Variants in CIMIP1 observed in about 807,000 individuals in gnomAD.
CIMIP1 encodes low in lung cancer 1.
At chr20:58,151,953 T>G in the CIMIP1 span, among the ~76,000 whole-genome samples, 1 of 152,180 alleles carries the variant, frequency 6.6e-6, no homozygotes, top group East Asian at 1.9e-4. Context: ...ATTTACAGAT[T>G]TAGATATAAG....
chr20:58,151,177 G>A, the CIMIP1 span: 1 of 723,556 alleles, frequency 1.4e-6, no homozygotes, highest in Non-Finnish European at 2.3e-6. Flanking sequence ...GGATGGTCAG[G>A]GGCCTTGAGG....
chr20:58,151,405 T>TTTTGTTTG, the CIMIP1 span, among the ~76,000 whole-genome samples: 2 of 151,970 alleles, frequency 1.3e-5, no homozygotes, highest in Admixed American at 6.5e-5. Flanking sequence ...GACTGATGAT[T>TTTTGTTTG]TTTGTTTGTT....
chr20:58,151,533 T>C, the CIMIP1 span, among the ~76,000 whole-genome samples: 1 of 151,946 alleles, frequency 6.6e-6, no homozygotes, highest in Non-Finnish European at 1.5e-5. Context: ...CTGCCTCAGC[T>C]TCCCGAGTAG....
the CIMIP1 span, among the ~76,000 whole-genome samples, chr20:58,157,996 G>T: frequency 6.6e-6 from 1 of 152,186 alleles, no homozygotes; most frequent in Non-Finnish European, 1.5e-5. Flanking sequence ...TCAGCCACAT[G>T]CTGTCCCCAC....
the CIMIP1 span, chr20:58,153,705 C>T: frequency 5.5e-6 from 6 of 1,090,420 alleles, no homozygotes; most frequent in Non-Finnish European, 6.9e-6. Flanking sequence ...CTATCACTTG[C>T]AAGAATAAAA....
the CIMIP1 span, among the ~76,000 whole-genome samples, chr20:58,153,814 T>C: frequency 6.6e-6 from 1 of 152,240 alleles, no homozygotes; most frequent in Non-Finnish European, 1.5e-5. Context: ...AGGCATGTTC[T>C]AGGTGCTTCG....
chr20:58,160,717 T>C, the CIMIP1 span: 3 of 1,614,046 alleles, frequency 1.9e-6, no homozygotes, highest in Non-Finnish European at 1.7e-6. Context: ...GCTGGAGATC[T>C]GCAGTGCCAG....
the CIMIP1 span, among the ~76,000 whole-genome samples, chr20:58,156,526 T>C: frequency 6.6e-6 from 1 of 151,804 alleles, no homozygotes; most frequent in African/African-American, 2.4e-5. Context: ...GGAGTTGCAA[T>C]TGGAGTCCAA....
chr20:58,161,052 G>C, the CIMIP1 span: 37 of 376,712 alleles, frequency 9.8e-5, no homozygotes, highest in East Asian at 1.6e-4. Context: ...AATGAATAAG[G>C]CTTCTCTCAT....
At chr20:58,151,142 C>A in the CIMIP1 span, 2 of 1,053,378 alleles carry the variant, frequency 1.9e-6, no homozygotes, top group African/African-American at 1.6e-5. Flanking sequence ...CCACTAAACT[C>A]GAGGGGCAGA....
At chr20:58,156,107 C>T in the CIMIP1 span, among the ~76,000 whole-genome samples, 4 of 152,196 alleles carry the variant, frequency 2.6e-5, no homozygotes, top group Non-Finnish European at 5.9e-5. Context: ...TAAGGTGCAA[C>T]AGCTTGGTTG....
At chr20:58,150,943 G>C in the CIMIP1 span, 1 of 1,592,648 alleles carries the variant, frequency 6.3e-7, no homozygotes, top group Non-Finnish European at 8.5e-7. Context: ...AGCTTGCGGG[G>C]CGCACAGAGC....
the CIMIP1 span, among the ~76,000 whole-genome samples, chr20:58,154,057 G>A: frequency 6.6e-6 from 1 of 152,226 alleles, no homozygotes; most frequent in Non-Finnish European, 1.5e-5. Context: ...CGACTGTGAG[G>A]TGCAGATACA....
At chr20:58,154,390 T>C in the CIMIP1 span, among the ~76,000 whole-genome samples, 1 of 152,192 alleles carries the variant, frequency 6.6e-6, no homozygotes, top group African/African-American at 2.4e-5. Context: ...AGTCTAGAAA[T>C]GAAATGCTTA....
the CIMIP1 span, among the ~76,000 whole-genome samples, chr20:58,159,832 A>C: frequency 6.6e-6 from 1 of 152,180 alleles, no homozygotes; most frequent in Non-Finnish European, 1.5e-5. Flanking sequence ...GCAGGAGACT[A>C]ATTTTAGGAG....
At chr20:58,160,871 C>A in the CIMIP1 span, 1 of 1,571,336 alleles carries the variant, frequency 6.4e-7, no homozygotes, top group South Asian at 1.1e-5. Flanking sequence ...TCACCAGGCA[C>A]CCAGGGCCAT....
At chr20:58,156,621 G>A in the CIMIP1 span, among the ~76,000 whole-genome samples, 1 of 152,298 alleles carries the variant, frequency 6.6e-6, no homozygotes, top group South Asian at 2.1e-4. Flanking sequence ...ATTGCTAGTG[G>A]AGAAAAGATT....
At chr20:58,158,812 G>C in the CIMIP1 span, among the ~76,000 whole-genome samples, 1 of 152,134 alleles carries the variant, frequency 6.6e-6, no homozygotes, top group Non-Finnish European at 1.5e-5. Context: ...TGGACCCCTG[G>C]AGCCACTGTC....
chr20:58,153,190 G>A, the CIMIP1 span, among the ~76,000 whole-genome samples: 1,075 of 152,316 alleles, frequency 7.1e-3, 11 homozygotes, highest in African/African-American at 0.024. Context: ...GAAGCAGGGA[G>A]TGAGTGCCTC....
Sources: allele counts gnomAD v4.1 joint callset (sites outside exome capture counted in the v4.1 genomes callset), GRCh38; gene constraint gnomAD v4.1.1; transcripts MANE v1.5; gene names NCBI Gene and HGNC (gene_info 2026-07-23, HGNC 2026-07-21).